SPIDR: variants seen among roughly 807,000 people sequenced by gnomAD.
SPIDR encodes DNA repair-scaffolding protein.
In SPIDR, 93 loss-of-function variants were observed where a neutral mutation model predicts 104.6. The ratio of observed to expected loss-of-function variants is 0.89; its 90% confidence interval spans 0.75 to 1.06. The LOEUF (loss-of-function observed/expected upper bound fraction) is 1.06, where lower values mean the gene tolerates loss of function less well. SPIDR is among the 50% of genes least tolerant of loss of function. SPIDR has a pLI of 0.00. For synonymous variants in SPIDR, 431 were observed against 416.9 expected (o/e 1.03, Z -0.41); for missense variants, 1,154 against 1,111.2 (o/e 1.04, Z -0.55).
At chr8:47,553,986 G>T (rs1178213878) in intron 8 of SPIDR, among the ~76,000 whole-genome samples, 1 of 152,208 alleles carries the variant, frequency 6.6e-6, no homozygotes, top group Non-Finnish European at 1.5e-5. Context: ...ACCCTCAGCT[G>T]CAGGTCTGTT....
At chr8:47,611,116 C>G (rs887841059) in intron 10 of SPIDR, among the ~76,000 whole-genome samples, 1 of 152,106 alleles carries the variant, frequency 6.6e-6, no homozygotes, top group African/African-American at 2.4e-5. Context: ...GGTTGTGGCT[C>G]CCCTTCTCTT....
intron 2 of SPIDR, among the ~76,000 whole-genome samples, chr8:47,280,367 A>G (rs2037497108): frequency 6.7e-6 from 1 of 149,950 alleles, no homozygotes; most frequent in Admixed American, 6.7e-5. Flanking sequence ...AGCTGGGACT[A>G]CAGGTATGTG....
At chr8:47,351,704 T>A (rs2053533871) in intron 5 of SPIDR, among the ~76,000 whole-genome samples, 1 of 152,188 alleles carries the variant, frequency 6.6e-6, no homozygotes, top group Non-Finnish European at 1.5e-5. Flanking sequence ...CAAAACTTGA[T>A]TTTGCCACAT....
At chr8:47,578,479 AAAT>A (rs1554812080) in intron 8 of SPIDR, among the ~76,000 whole-genome samples, 1 of 152,084 alleles carries the variant, frequency 6.6e-6, no homozygotes, top group East Asian at 1.9e-4. Context: ...CTCAAAAAAA[AAAT>A]AATAATAATA....
chr8:47,498,400 C>T (rs564490577), intron 8 of SPIDR, among the ~76,000 whole-genome samples: 9 of 152,100 alleles, frequency 5.9e-5, no homozygotes, highest in Admixed American at 2.0e-4. Context: ...CTGTAATAAT[C>T]AAATCACCAT....
chr8:47,503,679 G>T (rs973283430), intron 8 of SPIDR, among the ~76,000 whole-genome samples: 6 of 152,124 alleles, frequency 3.9e-5, no homozygotes, highest in Non-Finnish European at 7.4e-5. Flanking sequence ...CTGTCTTTAT[G>T]ATGTTAGGTG....
intron 14 of SPIDR, among the ~76,000 whole-genome samples, chr8:47,705,768 G>A (rs1217960536): frequency 6.6e-6 from 1 of 152,092 alleles, no homozygotes; most frequent in African/African-American, 2.4e-5. Context: ...GCCAGGCATG[G>A]TGCTGCATGC....
At chr8:47,487,446 C>T (rs890715821) in intron 8 of SPIDR, among the ~76,000 whole-genome samples, 9 of 151,934 alleles carry the variant, frequency 5.9e-5, no homozygotes, top group African/African-American at 1.7e-4. Flanking sequence ...GACAGATCAA[C>T]GAGACAGAAA....
intron 8 of SPIDR, among the ~76,000 whole-genome samples, chr8:47,573,949 C>T (rs935850659): frequency 7.2e-5 from 11 of 152,176 alleles, no homozygotes; most frequent in Non-Finnish European, 1.6e-4. Flanking sequence ...ATTATGCTTC[C>T]TCTGTAAAAC....
At chr8:47,411,459 T>C (rs1389527368) in intron 7 of SPIDR, among the ~76,000 whole-genome samples, 1 of 152,240 alleles carries the variant, frequency 6.6e-6, no homozygotes, top group Non-Finnish European at 1.5e-5. Flanking sequence ...AAATGTCTTC[T>C]TGTGAGAAGT....
chr8:47,532,177 C>A (rs1372214194), intron 8 of SPIDR, among the ~76,000 whole-genome samples: 1 of 149,532 alleles, frequency 6.7e-6, no homozygotes, highest in African/African-American at 2.5e-5. Context: ...TCAAGCAATT[C>A]TCCTGCCTCA....
intron 8 of SPIDR, among the ~76,000 whole-genome samples, chr8:47,576,643 A>C (rs537738474): frequency 6.6e-6 from 1 of 151,908 alleles, no homozygotes; most frequent in East Asian, 1.9e-4. Context: ...CATGTTGACC[A>C]GGCCGGTCTC....
At chr8:47,439,965 G>T (rs1254926085) in intron 7 of SPIDR, among the ~76,000 whole-genome samples, 1 of 152,156 alleles carries the variant, frequency 6.6e-6, no homozygotes. Flanking sequence ...ATCCACAGTG[G>T]CCATATTCTC....
chr8:47,564,727 A>G (rs1423404292), intron 8 of SPIDR, among the ~76,000 whole-genome samples: 1 of 151,922 alleles, frequency 6.6e-6, no homozygotes, highest in Non-Finnish European at 1.5e-5. Context: ...GGAAATTTTC[A>G]TCATTCATTA....
At chr8:47,576,208 A>G (rs558784284) in intron 8 of SPIDR, among the ~76,000 whole-genome samples, 3 of 151,216 alleles carry the variant, frequency 2.0e-5, no homozygotes, top group African/African-American at 4.9e-5. Flanking sequence ...CTGGAATGCA[A>G]TGGCACAATT....
At chr8:47,395,789 C>A (rs1334694645) in intron 5 of SPIDR, among the ~76,000 whole-genome samples, 1 of 152,152 alleles carries the variant, frequency 6.6e-6, no homozygotes, top group East Asian at 1.9e-4. Context: ...TTTAGGAAAT[C>A]TTAGGAAAAG....
intron 16 of SPIDR, among the ~76,000 whole-genome samples, chr8:47,723,078 G>T (rs1355464787): frequency 1.3e-5 from 2 of 152,118 alleles, no homozygotes; most frequent in Non-Finnish European, 2.9e-5. Flanking sequence ...GTGTTGCCCA[G>T]GCTGCTCTCA....
intron 7 of SPIDR, among the ~76,000 whole-genome samples, chr8:47,427,864 A>G (rs923470671): frequency 5.9e-5 from 9 of 152,166 alleles, no homozygotes; most frequent in Non-Finnish European, 1.3e-4. Flanking sequence ...GTCCAGGGTC[A>G]CCACTTGAGT....
intron 6 of SPIDR, 148 bp from the exon 7 acceptor site, chr8:47,407,713 T>C: frequency 4.7e-6 from 2 of 425,622 alleles, no homozygotes; most frequent in Non-Finnish European, 8.3e-6. Flanking sequence ...ATATGGCCTC[T>C]GGGAAGATAA....
Sources: allele counts gnomAD v4.1 joint callset (sites outside exome capture counted in the v4.1 genomes callset), GRCh38; gene constraint gnomAD v4.1.1; transcripts MANE v1.5; gene names NCBI Gene and HGNC (gene_info 2026-07-23, HGNC 2026-07-21).